The following ABLIM1 variants were observed in gnomAD, a reference collection of about 807,000 sequenced individuals.
ABLIM1 encodes the protein actin-binding LIM protein 1.
In ABLIM1, 40 loss-of-function variants were observed where a neutral mutation model predicts 107.0. The ratio of observed to expected loss-of-function variants is 0.37; its 90% CI spans 0.29 to 0.49. The LOEUF (loss-of-function observed/expected upper bound fraction) is 0.49, where lower values mean the gene tolerates loss of function less well. ABLIM1 is among the 20% of genes least tolerant of loss of function. The probability of loss-of-function intolerance (pLI) is 0.97; values close to 1 mark genes in which losing one functional copy is unlikely to be tolerated. For synonymous variants in ABLIM1, 357 were observed against 357.3 expected, an observed-to-expected ratio of 1.00 and a Z score of 0.01; for missense variants, 857 against 1,008.5, an observed-to-expected ratio of 0.85 and a Z score of 2.04.
At chr10:114,747,096 C>A (rs562910060) in intron 1 of ABLIM1, among the ~76,000 whole-genome samples, 89 of 152,260 alleles carry the variant, frequency 5.8e-4, no homozygotes, top group Non-Finnish European at 1.8e-4. Context: ...GTCTTCATAG[C>A]ATATCAAATG....
intron 1 of ABLIM1, among the ~76,000 whole-genome samples, chr10:114,667,973 A>G (rs1241817564): frequency 6.6e-6 from 1 of 152,068 alleles, no homozygotes; most frequent in African/African-American, 2.4e-5. Context: ...TGCAATGTCT[A>G]CCTTTGGAGC....
intron 1 of ABLIM1, among the ~76,000 whole-genome samples, chr10:114,728,777 AG>A (rs1455374137): frequency 6.6e-6 from 1 of 152,068 alleles, no homozygotes; most frequent in Admixed American, 6.5e-5. Flanking sequence ...GTGATCTGGG[AG>A]GGGCCTGTAG....
chr10:114,702,665 T>C (rs1049592951), intron 1 of ABLIM1, among the ~76,000 whole-genome samples: 1 of 151,930 alleles, frequency 6.6e-6, no homozygotes, highest in African/African-American at 2.4e-5. Context: ...TAGCTGGGAC[T>C]ACAGGCGCCC....
intron 6 of ABLIM1, among the ~76,000 whole-genome samples, chr10:114,528,214 C>T (rs1464197399): frequency 2.6e-5 from 4 of 152,190 alleles, no homozygotes; most frequent in African/African-American, 9.6e-5. Flanking sequence ...AAGTGATCCT[C>T]CTGCCTCAGC....
chr10:114,622,844 A>G (rs1259853814), intron 1 of ABLIM1, among the ~76,000 whole-genome samples: 2 of 152,216 alleles, frequency 1.3e-5, no homozygotes, highest in African/African-American at 4.8e-5. Context: ...AACAGTAAAT[A>G]TTGTACAGTG....
In ABLIM1 at chr10:114,523,551, A is replaced by T. The variant is rs1392706270; in HGVS notation, c.894+21454T>A. Reference sequence around the variant, plus strand: ...GAAGAAGCATTAACCTGTGGGGTTTATAATAAGAGCAGAAATTTAATTTCT... The same window carrying T: ...GAAGAAGCATTAACCTGTGGGGTTTTTAATAAGAGCAGAAATTTAATTTCT... On this transcript the variant is annotated intron_variant, in intron 6 of 22. Transcript: ENST00000533213. Among the ~76,000 whole-genome samples the T allele has an allele frequency of 3.4e-3, 511 of 152,272 alleles. 6 individuals carry two copies. Among genetic ancestry groups the T allele is most frequent in the African/African-American group, 0.012 (496 of 41,546 alleles).
In ABLIM1 at chr10:114,441,026, C is replaced by G. The variant is rs530000929; in HGVS notation, c.2050G>C (p.Gly684Arg). The G allele has an allele frequency of 4.4e-6, 7 of 1,589,412 alleles. No homozygotes were observed. In the South Asian group the frequency reaches 6.9e-5, roughly 16 times the overall value. ...QYNSYGDVSGGVRDYQTLPDG... is the reference protein window; with the variant it reads ...QYNSYGDVSGRVRDYQTLPDG... ...GCCATGGGAGCCTCACCTCGCACTC[C>G]CCCGCTGACATCCCCATAGCTGTTA... The change falls in exon 19 of 23, where the codon GGA becomes CGA. Residue 684 changes from glycine (G) to arginine (R), a missense_variant. By Grantham distance (125) the Gly-to-Arg change is moderately radical. Around this residue, in one of 5 missense-constraint regions of ABLIM1, gnomAD observed 193 missense variants for 208.5 expected, o/e 0.93. Transcript: ENST00000533213.
chr10:114,743,953 G>A (rs2082334009), intron 1 of ABLIM1, among the ~76,000 whole-genome samples: 2 of 152,214 alleles, frequency 1.3e-5, no homozygotes, highest in Admixed American at 1.3e-4. Flanking sequence ...CCAAGACAAA[G>A]TGAGACAAGA....
At chr10:114,579,085 C>A (rs71484946) in intron 2 of ABLIM1, among the ~76,000 whole-genome samples, 2 of 152,170 alleles carry the variant, frequency 1.3e-5, no homozygotes, top group South Asian at 4.1e-4. Flanking sequence ...CTGCTCCTGG[C>A]CCAATGAGGT....
chr10:114,602,147 C>T (rs190245174), intron 1 of ABLIM1, among the ~76,000 whole-genome samples, 186 bp from the exon 2 acceptor site: 10 of 152,272 alleles, frequency 6.6e-5, no homozygotes, highest in African/African-American at 1.9e-4. Context: ...GTGGCTTTGA[C>T]AGTCCCGGGG....
chr10:114,632,582 C>T, intron 1 of ABLIM1: 1 of 985,382 alleles, frequency 1.0e-6, no homozygotes, highest in Non-Finnish European at 1.2e-6. Context: ...CACGGCTGCT[C>T]CCCGCTATAA....
chr10:114,484,726 T>G (rs919638156), intron 8 of ABLIM1, among the ~76,000 whole-genome samples: 8 of 152,124 alleles, frequency 5.3e-5, no homozygotes, highest in African/African-American at 1.9e-4. Context: ...ACCCAAGCAC[T>G]GCCTTTCCCG....
chr10:114,552,854 C>T (rs2068240085), intron 4 of ABLIM1, among the ~76,000 whole-genome samples: 1 of 152,184 alleles, frequency 6.6e-6, no homozygotes, highest in Non-Finnish European at 1.5e-5. Flanking sequence ...ATGCTTGGTA[C>T]ATGTGAGCCA....
chr10:114,600,194 CCA>C (rs886903453), intron 2 of ABLIM1, among the ~76,000 whole-genome samples: 5 of 152,208 alleles, frequency 3.3e-5, no homozygotes, highest in African/African-American at 9.6e-5. Context: ...AGGACTCAAG[CCA>C]CACAACGTGA....
intron 1 of ABLIM1, among the ~76,000 whole-genome samples, chr10:114,631,390 G>C (rs1469201708): frequency 6.6e-6 from 1 of 152,128 alleles, no homozygotes; most frequent in Non-Finnish European, 1.5e-5. Flanking sequence ...AGGGATAATA[G>C]TGAAATGACA....
intron 1 of ABLIM1, among the ~76,000 whole-genome samples, chr10:114,606,514 G>A (rs7076159): frequency 0.1 from 15,666 of 152,130 alleles, 1,110 homozygotes; most frequent in East Asian, 0.38. Context: ...GATTACAGGC[G>A]TAAGGCACCG....
chr10:114,487,985 T>C lies in ABLIM1; in HGVS notation c.1014A>G (p.Gln338=), dbSNP rs1256433953. 6.2e-6 allele frequency: 10 copies of C among 1,614,198 alleles called. No homozygotes were observed. Among genetic ancestry groups the C allele is most frequent in the Non-Finnish European group, 7.6e-6 (9 of 1,180,016 alleles). Residue 338 remains glutamine (Q), a synonymous_variant, in exon 8 of 23, where the codon CAA becomes CAG. Transcript: ENST00000533213. ...GSTVWHPDCK[Q]STKTEEKLRP... Reference sequence around the variant, plus strand: ...GCAGCTTTTCCTCGGTCTTCGTAGATTGCTTACAGTCGGGATGCCAAACGG... The same window carrying C: ...GCAGCTTTTCCTCGGTCTTCGTAGACTGCTTACAGTCGGGATGCCAAACGG...
At chr10:114,726,252 T>C (rs897203353) in intron 1 of ABLIM1, among the ~76,000 whole-genome samples, 4 of 152,132 alleles carry the variant, frequency 2.6e-5, no homozygotes, top group Admixed American at 6.5e-5. Context: ...ATTTTGCCAG[T>C]AGGCAAAAAG....
chr10:114,741,997 AACATAAGT>A (rs1257078660), intron 1 of ABLIM1, among the ~76,000 whole-genome samples: 1 of 152,218 alleles, frequency 6.6e-6, no homozygotes, highest in Non-Finnish European at 1.5e-5. Flanking sequence ...ACCATAACAA[AACATAAGT>A]ACAGAATAAT....
Sources: allele counts gnomAD v4.1 joint callset (sites outside exome capture counted in the v4.1 genomes callset), GRCh38; gene constraint gnomAD v4.1.1; regional missense constraint gnomAD v4.1.1; transcripts MANE v1.5; gene names NCBI Gene and HGNC (gene_info 2026-07-23, HGNC 2026-07-21).